The following CDK19 variants were observed in gnomAD, a reference collection of about 807,000 sequenced individuals.
CDK19 encodes the protein cyclin dependent kinase 19.
In CDK19, 20 loss-of-function variants were observed where a neutral mutation model predicts 68.3. The ratio of observed to expected loss-of-function variants is 0.29; its 90% confidence interval spans 0.21 to 0.43. The LOEUF (loss-of-function observed/expected upper bound fraction) is 0.43. CDK19 is among the 20% of genes least tolerant of loss of function. The pLI is 1.00. For synonymous variants in CDK19, 221 were observed against 222.8 expected (o/e 0.99, Z 0.07); for missense variants, 339 against 623.5 (o/e 0.54, Z 4.86).
intron 1 of CDK19, among the ~76,000 whole-genome samples, chr6:110,756,648 C>T (rs1778860033): frequency 6.6e-6 from 1 of 151,018 alleles, no homozygotes. Flanking sequence ...CATATGTGTG[C>T]ACATGTTTGT....
chr6:110,761,173 C>A (rs530018060), intron 1 of CDK19, among the ~76,000 whole-genome samples: 1 of 152,136 alleles, frequency 6.6e-6, no homozygotes, highest in African/African-American at 2.4e-5. Context: ...GTCTCGAATG[C>A]CTTGGCTCAA....
intron 2 of CDK19, among the ~76,000 whole-genome samples, chr6:110,694,480 T>C (rs1192333500): frequency 6.6e-6 from 1 of 152,128 alleles, no homozygotes; most frequent in Non-Finnish European, 1.5e-5. Flanking sequence ...TAAAGATATA[T>C]GCACCTAACA....
intron 1 of CDK19, among the ~76,000 whole-genome samples, chr6:110,788,639 C>T (rs952486467): frequency 6.6e-6 from 1 of 152,138 alleles, no homozygotes; most frequent in Non-Finnish European, 1.5e-5. Context: ...CCTGCACCCA[C>T]AGAGAAGCTG....
intron 2 of CDK19, among the ~76,000 whole-genome samples, chr6:110,723,135 CA>C (rs760048229): frequency 1.5e-5 from 1 of 65,488 alleles, no homozygotes; most frequent in Non-Finnish European, 3.3e-5. Flanking sequence ...AAGGCTTTGT[CA>C]AAAAAAACAA....
At chr6:110,692,092 A>G (rs1278426603) in intron 2 of CDK19, among the ~76,000 whole-genome samples, 4 of 151,680 alleles carry the variant, frequency 2.6e-5, no homozygotes, top group South Asian at 2.1e-4. Context: ...TCAAGAGATC[A>G]AGACCATCCT....
At chr6:110,646,909 C>T (rs1780630055) in intron 4 of CDK19, among the ~76,000 whole-genome samples, 1 of 151,990 alleles carries the variant, frequency 6.6e-6, no homozygotes, top group African/African-American at 2.4e-5. Context: ...TGCCTCGGGC[C>T]GCGTGACCGC....
chr6:110,778,748 C>T (rs1470722124), intron 1 of CDK19, among the ~76,000 whole-genome samples: 2 of 152,154 alleles, frequency 1.3e-5, no homozygotes, highest in African/African-American at 4.8e-5. Context: ...GTACATTTCC[C>T]AGCCTTCCTC....
chr6:110,612,375 C>T lies in CDK19; in HGVS notation c.*2160G>A, dbSNP rs1465860624. 1.3e-5 allele frequency: 2 copies of T among 152,592 alleles called. No homozygotes were observed. Among genetic ancestry groups the T allele is most frequent in the Non-Finnish European group, 2.9e-5 (2 of 68,030 alleles). 9.5% of individuals were successfully genotyped at this position (152,592 alleles called of 1,614,324 possible). ...AAGGTAGACTGACATAGAAACCCTT[C>T]CATAATATTATTTACAGAACAGATT... is the stretch of plus-strand genomic sequence containing the variant. On this transcript the variant is annotated 3_prime_UTR_variant, in exon 13 of 13. Transcript: ENST00000368911.
chr6:110,734,520 G>GCTCGCTCGCTCTCTCTCTCTCTCT (rs991736850), intron 2 of CDK19, among the ~76,000 whole-genome samples: 1 of 85,734 alleles, frequency 1.2e-5, no homozygotes, highest in Non-Finnish European at 2.3e-5. Context: ...GGTGAGCACT[G>GCTCGCTCGCTCTCTCTCTCTCTCT]CTCTCTCTCT....
At chr6:110,692,778 C>T (rs752688453) in intron 2 of CDK19, among the ~76,000 whole-genome samples, 2 of 152,148 alleles carry the variant, frequency 1.3e-5, no homozygotes, top group South Asian at 4.1e-4. Flanking sequence ...GGGTGGATCA[C>T]CTGAGGTCAA....
intron 4 of CDK19, among the ~76,000 whole-genome samples, chr6:110,657,352 A>G (rs1177356381): frequency 6.6e-6 from 1 of 152,150 alleles, no homozygotes; most frequent in Admixed American, 6.5e-5. Context: ...ATCATATGTA[A>G]TCTCTTGGTA....
chr6:110,789,972 T>A (rs1017496535), intron 1 of CDK19, among the ~76,000 whole-genome samples: 2 of 152,198 alleles, frequency 1.3e-5, no homozygotes, highest in African/African-American at 4.8e-5. Flanking sequence ...GCAACTGTAG[T>A]TCTCATTATC....
At chr6:110,806,209 G>A (rs569642713) in intron 1 of CDK19, among the ~76,000 whole-genome samples, 16 of 151,492 alleles carry the variant, frequency 1.1e-4, no homozygotes, top group Non-Finnish European at 1.8e-4. Flanking sequence ...GCATGGTGGC[G>A]CATTCCTGTA....
At chr6:110,641,338 G>T (rs1489111385) in intron 4 of CDK19, among the ~76,000 whole-genome samples, 1 of 152,146 alleles carries the variant, frequency 6.6e-6, no homozygotes, top group Non-Finnish European at 1.5e-5. Flanking sequence ...GCTGACACCT[G>T]TAATCCCAGG....
At chr6:110,660,805 G>C (rs1781574993) in intron 4 of CDK19, among the ~76,000 whole-genome samples, 1 of 152,184 alleles carries the variant, frequency 6.6e-6, no homozygotes, top group Non-Finnish European at 1.5e-5. Flanking sequence ...CACAGGATGG[G>C]GAGCAGGGCA....
At chr6:110,722,142 C>G (rs1221347512) in intron 2 of CDK19, 1 of 152,160 alleles carries the variant, frequency 6.6e-6, no homozygotes, top group Non-Finnish European at 1.5e-5. Context: ...CTGTTTTATA[C>G]AGTCTTCACA....
At chr6:110,675,904 C>T (rs897630555) in intron 2 of CDK19, among the ~76,000 whole-genome samples, 2 of 152,022 alleles carry the variant, frequency 1.3e-5, no homozygotes, top group East Asian at 1.9e-4. Context: ...TTCTGCAGCC[C>T]GTGAATCAAG....
chr6:110,785,226 T>TC (rs1562286394), intron 1 of CDK19, among the ~76,000 whole-genome samples: 2 of 152,122 alleles, frequency 1.3e-5, no homozygotes, highest in Non-Finnish European at 1.5e-5. Flanking sequence ...TTCATCAGTC[T>TC]CCCTTCATTA....
chr6:110,815,014 T>C lies in CDK19; in HGVS notation c.123A>G (p.Lys41=). The part of the protein sequence containing the change: ...TYGHVYKARR[K]DGKDEKEYAL... ...CCTCCCGCCCCTGCTCTTACCCATC[T>C]TTCCGCCTCGCCTTGTAGACGTGAC... The change falls in exon 1 of 13, where the codon AAA becomes AAG. Residue 41 remains lysine (K), a synonymous_variant. Coordinates refer to ENST00000368911, the MANE Select transcript of CDK19 (RefSeq NM_015076.5). The C allele has an allele frequency of 6.2e-7, 1 of 1,604,214 alleles. No individual in the cohort carries two copies. The highest frequency in any genetic ancestry group is 8.5e-7 in the Non-Finnish European group (1 of 1,176,024).
Sources: gnomAD v4.1 joint callset for allele counts (sites outside exome capture counted in the v4.1 genomes callset) on GRCh38, gnomAD v4.1.1 for gene constraint, MANE v1.5 for transcripts, NCBI Gene and HGNC (gene_info 2026-07-23, HGNC 2026-07-21) for gene names.